TRIOBP: variants seen among roughly 807,000 people sequenced by gnomAD.
The protein encoded by TRIOBP is TRIO and F-actin-binding protein.
TRIOBP carries 169 observed loss-of-function variants against 238.8 expected under a neutral mutation model. That is an observed-to-expected ratio of 0.71 (90% confidence interval 0.62 to 0.80). The LOEUF (loss-of-function observed/expected upper bound fraction) is 0.80. TRIOBP is among the 30% of genes least tolerant of loss of function. The probability of loss-of-function intolerance (pLI) is 0.00; values close to 1 mark genes in which losing one functional copy is unlikely to be tolerated. For synonymous variants in TRIOBP, 1,150 were observed against 1,274.4 expected (o/e 0.90, Z 2.08); for missense variants, 2,838 against 3,122.6 (o/e 0.91, Z 2.17).
rs1926986173 is a variant in TRIOBP, at chr22:37,775,542, T to C, written c.*1762T>C. On this transcript the variant is annotated 3_prime_UTR_variant, in exon 24 of 24. Coordinates refer to ENST00000644935, the MANE Select transcript of TRIOBP (RefSeq NM_001039141.3). Reference sequence around the variant, plus strand: ...GGCTCTTGCCTATTATCCTAGCACTTTGGGAGGCCAAGGCAGGGGGATCAC... The same window carrying C: ...GGCTCTTGCCTATTATCCTAGCACTCTGGGAGGCCAAGGCAGGGGGATCAC... 6.6e-6 allele frequency: 1 copy of C among 152,038 alleles called. No homozygotes were observed. Among genetic ancestry groups the C allele is most frequent in the Non-Finnish European group, 1.5e-5 (1 of 68,018 alleles). 9.4% of individuals were successfully genotyped at this position (152,038 alleles called of 1,614,324 possible).
intron 6 of TRIOBP, among the ~76,000 whole-genome samples, chr22:37,720,171 G>T (rs573552190): frequency 4.0e-5 from 6 of 151,762 alleles, no homozygotes; most frequent in African/African-American, 1.2e-4. Flanking sequence ...CACCACGCCC[G>T]GCTAATTTTG....
intron 18 of TRIOBP, among the ~76,000 whole-genome samples, chr22:37,767,320 G>GA (rs1404818120): frequency 2.0e-5 from 3 of 148,140 alleles, no homozygotes; most frequent in Admixed American, 1.3e-4. Flanking sequence ...AAAAAAGAAA[G>GA]AAAAAAAGGA....
At chr22:37,702,634 C>CTTTTTTTTT (rs34625454) in intron 3 of TRIOBP, among the ~76,000 whole-genome samples, 5 of 81,198 alleles carry the variant, frequency 6.2e-5, no homozygotes, top group African/African-American at 2.0e-4. Flanking sequence ...TTCTCTCTCT[C>CTTTTTTTTT]TTTTTTTTTT....
intron 3 of TRIOBP, among the ~76,000 whole-genome samples, chr22:37,704,902 A>AT (rs1303871147): frequency 1.1e-4 from 8 of 76,138 alleles, no homozygotes; most frequent in African/African-American, 3.3e-4. Context: ...CCCCATTTCT[A>AT]CCAAAAAAAA....
intron 8 of TRIOBP, 87 bp downstream of exon 8, chr22:37,733,499 G>C: frequency 9.8e-7 from 1 of 1,019,398 alleles, no homozygotes; most frequent in Non-Finnish European, 1.5e-6. Context: ...CAGGGGGCTT[G>C]GACAGGAAGG....
intron 17 of TRIOBP, among the ~76,000 whole-genome samples, chr22:37,761,946 G>C (rs73883915): frequency 0.016 from 2,341 of 148,164 alleles, 42 homozygotes; most frequent in African/African-American, 0.048. Flanking sequence ...GAGGCCCCCA[G>C]CCAGGGGGCT....
At chr22:37,763,917 C>G (rs1926361868) in intron 17 of TRIOBP, among the ~76,000 whole-genome samples, 2 of 152,216 alleles carry the variant, frequency 1.3e-5, no homozygotes, top group Non-Finnish European at 2.9e-5. Context: ...CTTGCCTGCT[C>G]CAGCTTCTGG....
At chr22:37,717,651 G>C (rs1442126864) in intron 6 of TRIOBP, among the ~76,000 whole-genome samples, 1 of 152,176 alleles carries the variant, frequency 6.6e-6, no homozygotes, top group Non-Finnish European at 1.5e-5. Flanking sequence ...CTAGACACAG[G>C]GTGCTGATTG....
At chr22:37,730,133 A>C (rs1158623651) in intron 7 of TRIOBP, among the ~76,000 whole-genome samples, 1 of 151,984 alleles carries the variant, frequency 6.6e-6, no homozygotes, top group African/African-American at 2.4e-5. Flanking sequence ...CCTAGCCTTC[A>C]CTGGATTTGC....
chr22:37,746,265 C>T, intron 11 of TRIOBP: 1 of 1,076,246 alleles, frequency 9.3e-7, no homozygotes, highest in Non-Finnish European at 1.1e-6. Context: ...GCCGGGGCAG[C>T]GTCGGGGAAA....
chr22:37,721,253 TCCAC>T (rs1157623826), intron 6 of TRIOBP, among the ~76,000 whole-genome samples: 2 of 152,124 alleles, frequency 1.3e-5, no homozygotes, highest in Admixed American at 1.3e-4. Flanking sequence ...CCTCAGATGA[TCCAC>T]CCGCCTTGGC....
intron 3 of TRIOBP, among the ~76,000 whole-genome samples, chr22:37,705,545 A>G (rs1294564287): frequency 6.6e-6 from 1 of 151,708 alleles, no homozygotes; most frequent in Non-Finnish European, 1.5e-5. Flanking sequence ...GGACATGTTG[A>G]GGACTTAGGA....
chr22:37,715,489 C>T (rs566911246), intron 5 of TRIOBP, among the ~76,000 whole-genome samples: 33 of 152,152 alleles, frequency 2.2e-4, no homozygotes, highest in African/African-American at 7.7e-4. Flanking sequence ...ACTACAGGTG[C>T]CCGCCACCAC....
rs1209903307 is a variant in TRIOBP at position 37,713,279 on chromosome 22, G to GCCTCAAGCAGGTA, written c.325_326insCTCAAGCAGGTAC (p.Leu109ProfsTer6). 1 of 1,613,838 alleles carries GCCTCAAGCAGGTA rather than the reference G, an allele frequency of 6.2e-7. No individual in the cohort carries two copies. Among genetic ancestry groups the GCCTCAAGCAGGTA allele is most frequent in the African/African-American group, 1.3e-5 (1 of 74,926 alleles). On this transcript the variant is annotated frameshift_variant, in exon 5 of 24. Transcript: ENST00000644935. LOFTEE classifies it high-confidence loss of function. ...CTGCCCCCAGGAGCAGGAGCCGGGAGCTTGAGGCAGTACCCTATCTGGAGG... is the reference window on the plus strand; with the variant it reads ...CTGCCCCCAGGAGCAGGAGCCGGGAGCCTCAAGCAGGTACTTGAGGCAGTACCCTATCTGGAGG...
At position 37,757,924 on chromosome 22, in the gene TRIOBP, TGCCTGCTGGTGAGGGGCC is replaced by T; in HGVS notation, c.6002_6019del (p.Pro2001_Pro2006del). The T allele has an allele frequency of 6.4e-7, 1 of 1,554,258 alleles. No individual in the cohort carries two copies. The highest frequency in any genetic ancestry group is 8.7e-7 in the Non-Finnish European group (1 of 1,149,438). ...GCCACAGACAGCAGGACCCCAGAGG[TGCCTGCTGGTGAGGGGCC>T]GCGCCGGGGCCTGGGTGCCCCCCTG... On this transcript the variant is annotated inframe_deletion, in exon 16 of 24. Transcript: ENST00000644935.
At chr22:37,742,740 G>A (rs978520161) in intron 11 of TRIOBP, among the ~76,000 whole-genome samples, 3 of 152,236 alleles carry the variant, frequency 2.0e-5, no homozygotes, top group South Asian at 2.1e-4. Flanking sequence ...GTAGAGCGAA[G>A]GAGGAGCGAA....
Position 37,713,511 on chromosome 22 carries a change from C to A in TRIOBP, c.456+100C>A, listed in dbSNP as rs916364946. ...CTCCAGGCCAGGGCTGAGCCTCACA[C>A]CAGGGAATCCGACGAGGTCCTCTGG... is the stretch of plus-strand genomic sequence containing the variant. On this transcript the variant is annotated intron_variant, in intron 5 of 23. Transcript: ENST00000644935. The A allele has an allele frequency of 4.2e-6, 6 of 1,436,862 alleles. No homozygotes were observed. The African/African-American group carries it at 7.0e-5, about 17-fold the overall frequency. The allele number at this position is 1,436,862 out of a possible 1,614,324, so 89.0% of individuals were successfully genotyped here. A position where few individuals can be genotyped will look rare whatever the true frequency, so the allele number is the denominator to read the frequency against.
At chr22:37,733,155 GTCATCC>G (rs1924505367) in intron 7 of TRIOBP, 137 bp from the exon 8 acceptor site, 1 of 691,442 alleles carries the variant, frequency 1.4e-6, no homozygotes. Context: ...GGCCCTGAGA[GTCATCC>G]TCACTTAGGG....
At chr22:37,731,468 A>T (rs567259745) in intron 7 of TRIOBP, among the ~76,000 whole-genome samples, 15 of 148,262 alleles carry the variant, frequency 1.0e-4, no homozygotes, top group Non-Finnish European at 2.1e-4. Flanking sequence ...ATATATATAT[A>T]TTTTTTGAGA....
Sources: allele counts gnomAD v4.1 joint callset (sites outside exome capture counted in the v4.1 genomes callset), GRCh38; gene constraint gnomAD v4.1.1; transcripts MANE v1.5; gene names NCBI Gene and HGNC (gene_info 2026-07-23, HGNC 2026-07-21).